CELF4: variants seen among roughly 807,000 people sequenced by gnomAD.
CELF4 encodes CUGBP Elav-like family member 4.
In CELF4, 18 loss-of-function variants were observed where a neutral mutation model predicts 59.9. The ratio of observed to expected loss-of-function variants is 0.30; its 90% CI spans 0.21 to 0.45. The LOEUF (loss-of-function observed/expected upper bound fraction) is 0.45, where lower values mean the gene tolerates loss of function less well. CELF4 is among the 20% of genes least tolerant of loss of function. The probability of loss-of-function intolerance (pLI) is 1.00; values close to 1 mark genes in which losing one functional copy is unlikely to be tolerated. For missense variants in CELF4, 456 were observed against 689.0 expected, an observed-to-expected ratio of 0.66 and a Z score of 3.79; for synonymous variants, 261 against 267.1, an observed-to-expected ratio of 0.98 and a Z score of 0.22.
In CELF4 at chr18:37,425,467, T is replaced by A. The variant is rs184039951; in HGVS notation, c.369+60058A>T. 2.6e-4 allele frequency among the ~76,000 whole-genome samples: 39 copies of A among 152,332 alleles called. No homozygotes were observed. The East Asian group carries it at 4.2e-3, about 17-fold the overall frequency. On this transcript the variant is annotated intron_variant, in intron 2 of 12. Transcript: ENST00000420428. ...GCAGGAAGCCCTCCTGGCTCCCAGA[T>A]TGCCTCCTAACTGTGGGTTTATTAA...
Position 37,270,776 on chromosome 18 carries a change from G to A in CELF4, c.1091C>T (p.Pro364Leu). Residue 364 changes from proline to leucine, a missense_variant, in exon 8 of 13, where the codon CCC becomes CTC. Physicochemically the swap from Pro to Leu is moderately conservative, Grantham distance 98. This residue lies in a region of CELF4 where 256 missense variants were observed against 340.8 expected (regional missense o/e 0.75). Transcript: ENST00000420428. Reference sequence around the variant, plus strand: ...CTGACAGATGTGCTTACCTGGGTAGGGGTGGATGCCATTGGCGAACACAGC... The same window carrying A: ...CTGACAGATGTGCTTACCTGGGTAGAGGTGGATGCCATTGGCGAACACAGC... The part of the protein sequence containing the change: ...AEAVFANGIH[P>L]YPAQSPTAAD... 1.9e-6 allele frequency: 3 copies of A among 1,613,980 alleles called. No homozygotes were observed. The highest frequency in any genetic ancestry group is 8.5e-7 in the Non-Finnish European group (1 of 1,179,982).
chr18:37,428,919 A>G (rs1250576168), intron 2 of CELF4, among the ~76,000 whole-genome samples: 3 of 152,204 alleles, frequency 2.0e-5, no homozygotes, highest in African/African-American at 7.2e-5. Context: ...GTGCTTGCTG[A>G]ACCCAGTGAC....
At chr18:37,348,039 C>T (rs2098327999) in intron 2 of CELF4, among the ~76,000 whole-genome samples, 1 of 152,212 alleles carries the variant, frequency 6.6e-6, no homozygotes, top group Admixed American at 6.5e-5. Flanking sequence ...AGGTCAGCAA[C>T]TGACCCTCCT....
intron 3 of CELF4, among the ~76,000 whole-genome samples, chr18:37,314,128 A>G (rs2096775919): frequency 6.6e-6 from 1 of 152,186 alleles, no homozygotes; most frequent in African/African-American, 2.4e-5. Context: ...CAGAGACACA[A>G]GATGCAGGAG....
At chr18:37,392,963 T>C (rs1342350035) in intron 2 of CELF4, among the ~76,000 whole-genome samples, 3 of 152,176 alleles carry the variant, frequency 2.0e-5, no homozygotes, top group Non-Finnish European at 4.4e-5. Context: ...AGGGGGCAGA[T>C]TTTATTTTTG....
chr18:37,428,485 G>C (rs2099628138), intron 2 of CELF4, among the ~76,000 whole-genome samples: 1 of 152,134 alleles, frequency 6.6e-6, no homozygotes, highest in South Asian at 2.1e-4. Context: ...GTGTGGCTGT[G>C]TTTCCAAGGG....
intron 2 of CELF4, among the ~76,000 whole-genome samples, chr18:37,334,855 G>A (rs1027567605): frequency 6.6e-6 from 1 of 152,122 alleles, no homozygotes; most frequent in African/African-American, 2.4e-5. Flanking sequence ...GACAAATCGA[G>A]AGGAAATTGC....
intron 3 of CELF4, among the ~76,000 whole-genome samples, chr18:37,299,429 A>C (rs1408300549): frequency 6.6e-6 from 1 of 152,152 alleles, no homozygotes; most frequent in African/African-American, 2.4e-5. Flanking sequence ...TGAGGGTCCC[A>C]GGGGCCTGGT....
rs3865393 is a variant in CELF4 at position 37,357,146 on chromosome 18, A to T, written c.370-35265T>A. Among the ~76,000 whole-genome samples the T allele has an allele frequency of 1.1e-4, 17 of 152,194 alleles. 1 individual carries two copies. The highest frequency in any genetic ancestry group is 9.2e-4 in the Admixed American group (14 of 15,294). On this transcript the variant is annotated intron_variant, in intron 2 of 12. Transcript: ENST00000420428. ...TTGGAAGAGGGTCTAGCAGCATCAGAGAAAGTTCCCAGAGGAGCTGAGGTT... is the reference window on the plus strand; with the variant it reads ...TTGGAAGAGGGTCTAGCAGCATCAGTGAAAGTTCCCAGAGGAGCTGAGGTT...
intron 1 of CELF4, among the ~76,000 whole-genome samples, chr18:37,550,603 G>C (rs1210627306): frequency 6.6e-6 from 1 of 152,242 alleles, no homozygotes. Context: ...TGGCATGGCA[G>C]CCTCTGTGAT....
At chr18:37,300,644 A>C (rs1232089833) in intron 3 of CELF4, among the ~76,000 whole-genome samples, 1 of 152,250 alleles carries the variant, frequency 6.6e-6, no homozygotes, top group Non-Finnish European at 1.5e-5. Flanking sequence ...AGAGAGGAAC[A>C]AAGAGTCCCT....
At chr18:37,457,516 G>A (rs2099781680) in intron 2 of CELF4, among the ~76,000 whole-genome samples, 1 of 152,094 alleles carries the variant, frequency 6.6e-6, no homozygotes, top group Admixed American at 6.5e-5. Flanking sequence ...CAAATCCAGG[G>A]ACTTAATAGG....
intron 2 of CELF4, among the ~76,000 whole-genome samples, chr18:37,430,624 G>A (rs1210583040): frequency 1.3e-5 from 2 of 152,226 alleles, no homozygotes. Context: ...TTTTGCAAAT[G>A]ACAGGCTGCA....
At chr18:37,387,859 C>T (rs2099115868) in intron 2 of CELF4, among the ~76,000 whole-genome samples, 1 of 152,212 alleles carries the variant, frequency 6.6e-6, no homozygotes. Flanking sequence ...GGGCAGGGAG[C>T]CCCCTGCACT....
intron 2 of CELF4, among the ~76,000 whole-genome samples, chr18:37,483,869 T>C (rs2099875617): frequency 6.6e-6 from 1 of 152,242 alleles, no homozygotes; most frequent in Non-Finnish European, 1.5e-5. Context: ...CATCAAAGTA[T>C]TTCTATAAAT....
chr18:37,388,169 T>C (rs566836916), intron 2 of CELF4, among the ~76,000 whole-genome samples: 1 of 152,098 alleles, frequency 6.6e-6, no homozygotes, highest in African/African-American at 2.4e-5. Flanking sequence ...GGGGCTTCTC[T>C]AAAGGGAAAA....
intron 3 of CELF4, among the ~76,000 whole-genome samples, chr18:37,277,211 C>T (rs373137880): frequency 5.3e-5 from 8 of 152,218 alleles, no homozygotes; most frequent in Admixed American, 1.3e-4. Flanking sequence ...CCCAGCTCCT[C>T]GCATAACCTG....
At chr18:37,326,673 C>T (rs1237614076) in intron 2 of CELF4, among the ~76,000 whole-genome samples, 2 of 152,166 alleles carry the variant, frequency 1.3e-5, no homozygotes, top group African/African-American at 2.4e-5. Context: ...CATCACAAAC[C>T]CTTGTGGACT....
chr18:37,444,634 ACACACACACACACACACACG>A (rs1029867489), intron 2 of CELF4, among the ~76,000 whole-genome samples: 3 of 149,658 alleles, frequency 2.0e-5, no homozygotes, highest in African/African-American at 7.5e-5. Context: ...ACACACACAC[ACACACACACACACACACACG>A]CGAACGATGC....
Sources: allele counts gnomAD v4.1 joint callset (sites outside exome capture counted in the v4.1 genomes callset), GRCh38; gene constraint gnomAD v4.1.1; regional missense constraint gnomAD v4.1.1; transcripts MANE v1.5; gene names NCBI Gene and HGNC (gene_info 2026-07-23, HGNC 2026-07-21).